The following AGBL4 variants were observed in gnomAD, a reference collection of about 807,000 sequenced individuals.
The protein encoded by AGBL4 is cytosolic carboxypeptidase 6.
AGBL4 carries 58 observed loss-of-function variants against 66.4 expected under a neutral mutation model. The observed-to-expected ratio is 0.87, with a 90% CI of 0.71 to 1.09. The LOEUF (loss-of-function observed/expected upper bound fraction) is 1.09. AGBL4 is among the 50% of genes least tolerant of loss of function. The pLI is 0.00. For synonymous variants in AGBL4, 234 were observed against 222.9 expected, an observed-to-expected ratio of 1.05 and a Z score of -0.44; for missense variants, 579 against 631.0, an observed-to-expected ratio of 0.92 and a Z score of 0.88.
At chr1:49,422,219 C>T (rs1054552921) in intron 3 of AGBL4, among the ~76,000 whole-genome samples, 1 of 152,074 alleles carries the variant, frequency 6.6e-6, no homozygotes, top group African/African-American at 2.4e-5. Flanking sequence ...ATTAACTGTT[C>T]TTCAATGAGC....
chr1:49,998,683 A>G (rs577304480), intron 1 of AGBL4, among the ~76,000 whole-genome samples: 2 of 152,294 alleles, frequency 1.3e-5, no homozygotes, highest in East Asian at 3.9e-4. Flanking sequence ...CAAAATCCTC[A>G]ATAAAATACT....
At chr1:49,022,632 G>A (rs944827274) in intron 5 of AGBL4, among the ~76,000 whole-genome samples, 6 of 152,036 alleles carry the variant, frequency 3.9e-5, no homozygotes, top group African/African-American at 1.4e-4. Context: ...ATAAACTGTA[G>A]AATGCCTCTC....
chr1:48,753,289 A>G (rs1156803618), intron 6 of AGBL4, among the ~76,000 whole-genome samples: 1 of 152,244 alleles, frequency 6.6e-6, no homozygotes, highest in East Asian at 1.9e-4. Flanking sequence ...GAAAACAGAC[A>G]CCTGAGAAGG....
chr1:49,995,450 G>C, intron 1 of AGBL4: 1 of 369,418 alleles, frequency 2.7e-6, no homozygotes, highest in East Asian at 7.3e-5. Context: ...AACTCCACTG[G>C]GCTGAGAACC....
At chr1:49,632,622 C>T (rs146247345) in intron 3 of AGBL4, among the ~76,000 whole-genome samples, 5 of 152,296 alleles carry the variant, frequency 3.3e-5, no homozygotes, top group Admixed American at 6.5e-5. Flanking sequence ...AAAGGAGATA[C>T]TCCTATTTCC....
At chr1:49,502,835 A>G (rs1205448084) in intron 3 of AGBL4, among the ~76,000 whole-genome samples, 1 of 152,138 alleles carries the variant, frequency 6.6e-6, no homozygotes, top group East Asian at 1.9e-4. Flanking sequence ...TCTAAGCAGC[A>G]AAGCACTCAA....
At chr1:49,147,838 G>T (rs1359703048) in intron 4 of AGBL4, among the ~76,000 whole-genome samples, 2 of 152,010 alleles carry the variant, frequency 1.3e-5, no homozygotes, top group African/African-American at 4.8e-5. Flanking sequence ...AGGAGAGGGG[G>T]GGTGACAAAG....
chr1:49,605,631 G>T (rs199524758), intron 3 of AGBL4, among the ~76,000 whole-genome samples: 1 of 152,214 alleles, frequency 6.6e-6, no homozygotes, highest in East Asian at 1.9e-4. Flanking sequence ...CCTTTTAAAA[G>T]TCTTGTTGCC....
intron 3 of AGBL4, among the ~76,000 whole-genome samples, chr1:49,483,921 C>T (rs1399158836): frequency 1.3e-5 from 2 of 151,722 alleles, no homozygotes; most frequent in African/African-American, 4.8e-5. Context: ...ATCTAATAAT[C>T]TGATATAAAA....
chr1:48,846,352 GAGAAAGAAAGA>G lies in AGBL4; in HGVS notation c.634+20828_634+20838del, dbSNP rs1362604733. On this transcript the variant is annotated intron_variant, in intron 6 of 13. Transcript: ENST00000371839. ...GATAGATAAGAAAAAGAAAAGAAAG[GAGAAAGAAAGA>G]AGAAAGAAAGAAAGAAAGAAAGAAA... 1.4e-4 allele frequency among the ~76,000 whole-genome samples: 16 copies of G among 116,198 alleles called. No individual in the cohort carries two copies. The South Asian group carries it at 3.3e-3, about 24-fold the overall frequency. The allele number at this position is 116,198 out of a possible 152,430, so 76.2% of individuals were successfully genotyped here. A position where few individuals can be genotyped will look rare whatever the true frequency, so the allele number is the denominator to read the frequency against.
chr1:48,860,017 T>G (rs887394071), intron 6 of AGBL4, among the ~76,000 whole-genome samples: 1 of 152,196 alleles, frequency 6.6e-6, no homozygotes, highest in Non-Finnish European at 1.5e-5. Context: ...CGAATAACAA[T>G]AGTTTATATG....
intron 5 of AGBL4, among the ~76,000 whole-genome samples, chr1:48,876,869 A>G (rs1649285582): frequency 6.6e-6 from 1 of 152,184 alleles, no homozygotes; most frequent in Non-Finnish European, 1.5e-5. Context: ...CTTTTTGTGG[A>G]ATCAAACTTT....
At chr1:49,031,727 A>G (rs569975449) in intron 5 of AGBL4, among the ~76,000 whole-genome samples, 1 of 152,226 alleles carries the variant, frequency 6.6e-6, no homozygotes, top group East Asian at 1.9e-4. Context: ...ATTTCATAGG[A>G]GAGACTAGAG....
chr1:48,705,459 A>G, intron 6 of AGBL4, among the ~76,000 whole-genome samples: 1 of 152,352 alleles, frequency 6.6e-6, no homozygotes, highest in South Asian at 2.1e-4. Context: ...TGTGTATTGC[A>G]TTGTACTAAG....
chr1:49,569,509 CA>C (rs1203507541), intron 3 of AGBL4, among the ~76,000 whole-genome samples: 2 of 151,994 alleles, frequency 1.3e-5, no homozygotes. Context: ...TACTTACACA[CA>C]AAAATAAAAA....
chr1:50,021,311 C>T (rs1190473951), intron 1 of AGBL4, among the ~76,000 whole-genome samples: 2 of 152,140 alleles, frequency 1.3e-5, no homozygotes, highest in African/African-American at 2.4e-5. Flanking sequence ...GCAATTTCAT[C>T]CACACCCATG....
At chr1:49,329,636 A>G (rs1410353890) in intron 3 of AGBL4, among the ~76,000 whole-genome samples, 1 of 152,096 alleles carries the variant, frequency 6.6e-6, no homozygotes, top group Non-Finnish European at 1.5e-5. Context: ...ACTGCACTCC[A>G]GCCTAGGTAA....
At chr1:49,343,417 A>G (rs1645578983) in intron 3 of AGBL4, among the ~76,000 whole-genome samples, 1 of 152,180 alleles carries the variant, frequency 6.6e-6, no homozygotes, top group African/African-American at 2.4e-5. Flanking sequence ...CTAGGTGGGA[A>G]ATATACATTC....
At chr1:49,362,431 C>A (rs963236999) in intron 3 of AGBL4, among the ~76,000 whole-genome samples, 1 of 110,044 alleles carries the variant, frequency 9.1e-6, no homozygotes, top group African/African-American at 3.7e-5. Flanking sequence ...GCATGGGCAA[C>A]AGAGCAAGAC....
Sources: gnomAD v4.1 joint callset for allele counts (sites outside exome capture counted in the v4.1 genomes callset) on GRCh38, gnomAD v4.1.1 for gene constraint, MANE v1.5 for transcripts, NCBI Gene and HGNC (gene_info 2026-07-23, HGNC 2026-07-21) for gene names.